The following PAXBP1 variants were observed in gnomAD, a reference collection of about 807,000 sequenced individuals.
PAXBP1 encodes the protein PAX3 and PAX7 binding protein 1, also known as PAX3- and PAX7-binding protein 1.
In PAXBP1, 44 loss-of-function variants were observed where a neutral mutation model predicts 119.9. That is an observed-to-expected ratio of 0.37 (90% confidence interval 0.29 to 0.47). The LOEUF is 0.47. PAXBP1 is among the 20% of genes least tolerant of loss of function. The pLI, the probability that PAXBP1 is intolerant of heterozygous loss-of-function variation, is 0.99. For synonymous variants in PAXBP1, 393 were observed against 406.6 expected (o/e 0.97, Z 0.40); for missense variants, 898 against 1,134.1 (o/e 0.79, Z 2.99).
chr21:32,767,331 C>G (rs1420141089), intron 2 of PAXBP1, among the ~76,000 whole-genome samples: 1 of 152,132 alleles, frequency 6.6e-6, no homozygotes, highest in Non-Finnish European at 1.5e-5. Context: ...TGACAACCTA[C>G]AATACAATCA....
chr21:32,767,240 C>T (rs2044256494), intron 2 of PAXBP1, among the ~76,000 whole-genome samples: 1 of 152,182 alleles, frequency 6.6e-6, no homozygotes, highest in Non-Finnish European at 1.5e-5. Context: ...AGTTAATTGT[C>T]TCTGCCTACT....
chr21:32,743,167 T>TA (rs1398509781), intron 15 of PAXBP1, 81 bp downstream of exon 15: 5 of 1,066,642 alleles, frequency 4.7e-6, no homozygotes, highest in Non-Finnish European at 7.0e-6. Flanking sequence ...ATGGAGTTAA[T>TA]AAAAAACAAA....
rs888343170 is a variant in PAXBP1 at position 32,733,946 on chromosome 21, A to G, written c.*1004T>C. On this transcript the variant is annotated 3_prime_UTR_variant, in exon 18 of 18. Coordinates refer to ENST00000331923, the MANE Select transcript of PAXBP1 (RefSeq NM_016631.4). ...GCTTGGCTAAATCTTAATTACATAT[A>G]TAATTATCAAACGATAGTCCTTAAT... 2.8e-4 allele frequency: 43 copies of G among 152,782 alleles called. 1 individual carries two copies. Among genetic ancestry groups the G allele is most frequent in the Admixed American group, 2.7e-3 (42 of 15,306 alleles). 9.5% of individuals were successfully genotyped at this position (152,782 alleles called of 1,614,324 possible). A position where few individuals can be genotyped will look rare whatever the true frequency, so the allele number is the denominator to read the frequency against.
At chr21:32,769,183 T>G (rs2044291593) in intron 2 of PAXBP1, among the ~76,000 whole-genome samples, 1 of 152,194 alleles carries the variant, frequency 6.6e-6, no homozygotes, top group Non-Finnish European at 1.5e-5. Context: ...AAATAGCATT[T>G]GCAGGAGAAT....
chr21:32,743,096 T>C (rs1485394849), intron 15 of PAXBP1, 152 bp downstream of exon 15: 1 of 730,396 alleles, frequency 1.4e-6, no homozygotes, highest in Non-Finnish European at 2.5e-6. Context: ...GAATGAACTT[T>C]TGGAATAAAA....
rs2044204383 is a variant in PAXBP1 at position 32,764,403 on chromosome 21, T to G, written c.594A>C (p.Pro198=). ...CATTTGAAAAAGCTCCACCAGTCTT[T>G]GGCTTTTCTTCCTCTTTTTCACTTT... is the stretch of plus-strand genomic sequence containing the variant. ...DMESEKEEEK[P]KTGGAFSNAL... is the part of the protein sequence containing the mutation. The change falls in exon 3 of 18, where the codon CCA becomes CCC. Residue 198 remains proline (P), a synonymous_variant. Coordinates refer to ENST00000331923, the MANE Select transcript of PAXBP1 (RefSeq NM_016631.4). The G allele has an allele frequency of 1.9e-6, 3 of 1,613,802 alleles. No individual in the cohort carries two copies. The highest frequency in any genetic ancestry group is 1.7e-6 in the Non-Finnish European group (2 of 1,179,924).
At chr21:32,753,771 A>G (rs1435968094) in intron 8 of PAXBP1, among the ~76,000 whole-genome samples, 1 of 152,192 alleles carries the variant, frequency 6.6e-6, no homozygotes, top group African/African-American at 2.4e-5. Context: ...TTTCAATCAA[A>G]CTAATATAAA....
Position 32,750,976 on chromosome 21 carries a change from C to T in PAXBP1, c.1664G>A (p.Gly555Asp). The T allele has an allele frequency of 6.2e-7, 1 of 1,614,090 alleles. No homozygotes were observed. ...QTGKMADHLE[G>D]LSSDDEETST... ...AGTTTCTTCATCATCACTGGAAAGG[C>T]CTTCAAGGTGATCTGCCATCTTACC... is the stretch of plus-strand genomic sequence containing the variant. The change falls in exon 10 of 18, where the codon GGC (glycine) becomes GAC (aspartate). Residue 555 changes from glycine to aspartate, a missense_variant. By Grantham distance (94) the Gly-to-Asp change is moderately conservative. Transcript: ENST00000331923.
intron 7 of PAXBP1, among the ~76,000 whole-genome samples, chr21:32,758,573 T>C (rs1243487706): frequency 2.0e-5 from 3 of 151,086 alleles, no homozygotes; most frequent in Non-Finnish European, 4.4e-5. Flanking sequence ...ATGAAATGGT[T>C]TCTGAAAGAA....
rs1304154481 is a variant in PAXBP1 at position 32,761,103 on chromosome 21, G to T, written c.931C>A (p.Arg311=). The T allele has an allele frequency of 6.2e-7, 1 of 1,613,786 alleles. No individual in the cohort carries two copies. Among genetic ancestry groups the T allele is most frequent in the South Asian group, 1.1e-5 (1 of 91,042 alleles). ...VTGEQDEELS[R]WEQEQIRKGI... is the part of the protein sequence containing the mutation. ...TTCCTTATCTGCTCCTGTTCCCATC[G>T]GCTGAGCTCTTCATCCTGTTCTCCA... The change falls in exon 5 of 18, where the codon CGA becomes AGA. Residue 311 remains arginine (R), a synonymous_variant. Transcript: ENST00000331923.
intron 8 of PAXBP1, among the ~76,000 whole-genome samples, chr21:32,753,066 G>A (rs1034780496): frequency 6.6e-6 from 1 of 152,116 alleles, no homozygotes; most frequent in African/African-American, 2.4e-5. Flanking sequence ...AGCCCTAGAT[G>A]TGAGTTCACT....
At chr21:32,744,328 G>T (rs545530745) in intron 13 of PAXBP1, among the ~76,000 whole-genome samples, 1 of 149,440 alleles carries the variant, frequency 6.7e-6, no homozygotes, top group African/African-American at 2.5e-5. Context: ...CATGTATTAA[G>T]ACAGTTTACA....
chr21:32,771,388 C>T lies in PAXBP1; in HGVS notation c.281G>A (p.Arg94Lys), dbSNP rs745357530. 1.3e-6 allele frequency: 2 copies of T among 1,577,582 alleles called. No individual in the cohort carries two copies. The highest frequency in any genetic ancestry group is 4.9e-5 in the East Asian group (2 of 41,080). Reference protein sequence around the residue: ...EPGNGLKPRKRPRENKEVPRA... With the variant: ...EPGNGLKPRKKPRENKEVPRA... ...GGGCACCTCTTTGTTCTCGCGAGGC[C>T]TCTTGCGCGGCTTCAGCCCGTTGCC... The change falls in exon 1 of 18, where the codon AGG becomes AAG. Residue 94 changes from arginine (R) to lysine (K), a missense_variant. Physicochemically the swap from Arg to Lys is conservative, Grantham distance 26. Coordinates refer to ENST00000331923, the MANE Select transcript of PAXBP1 (RefSeq NM_016631.4).
chr21:32,765,100 C>T (rs762956915), intron 2 of PAXBP1, among the ~76,000 whole-genome samples: 7 of 152,198 alleles, frequency 4.6e-5, no homozygotes, highest in East Asian at 1.9e-4. Context: ...GCAAGCCTGA[C>T]CCCACTACCA....
chr21:32,762,453 ATGTC>A (rs1455036263), intron 3 of PAXBP1, 136 bp from the exon 4 acceptor site: 1 of 1,187,534 alleles, frequency 8.4e-7, no homozygotes, highest in African/African-American at 1.5e-5. Context: ...TTCCCATACT[ATGTC>A]TGCAATCCAA....
At chr21:32,736,245 G>C (rs553136924) in intron 17 of PAXBP1, among the ~76,000 whole-genome samples, 1 of 152,168 alleles carries the variant, frequency 6.6e-6, no homozygotes, top group Admixed American at 6.5e-5. Flanking sequence ...CTGGAATGCA[G>C]TGGCGCAATC....
chr21:32,763,330 T>C (rs1482474429), intron 3 of PAXBP1, among the ~76,000 whole-genome samples: 1 of 152,218 alleles, frequency 6.6e-6, no homozygotes, highest in Admixed American at 6.5e-5. Context: ...TTCCTAAATG[T>C]TGCTCATTGC....
intron 3 of PAXBP1, among the ~76,000 whole-genome samples, chr21:32,763,097 TAA>T (rs1335859459): frequency 1.3e-5 from 2 of 152,280 alleles, no homozygotes; most frequent in East Asian, 1.9e-4. Flanking sequence ...CATATCATAA[TAA>T]GTTTTATTCC....
intron 15 of PAXBP1, 182 bp downstream of exon 15, chr21:32,743,066 C>T (rs1343688983): frequency 1.5e-6 from 1 of 687,138 alleles, no homozygotes; most frequent in South Asian, 1.5e-5. Flanking sequence ...ATCACTTTCT[C>T]CTGTGAAAAT....
Sources: allele counts gnomAD v4.1 joint callset (sites outside exome capture counted in the v4.1 genomes callset), GRCh38; gene constraint gnomAD v4.1.1; transcripts MANE v1.5; gene names NCBI Gene and HGNC (gene_info 2026-07-23, HGNC 2026-07-21).